The following TMEM40 variants were observed in gnomAD, a reference collection of about 807,000 sequenced individuals.
The protein encoded by TMEM40 is transmembrane protein 40.
In TMEM40, 34 loss-of-function variants were observed where a neutral mutation model predicts 40.8. That is an observed-to-expected ratio of 0.83 (90% CI 0.63 to 1.11). The LOEUF is 1.11. TMEM40 is among the 50% of genes least tolerant of loss of function. The pLI is 0.00. For synonymous variants in TMEM40, 106 were observed against 107.0 expected (o/e 0.99, Z 0.06); for missense variants, 296 against 280.2 (o/e 1.06, Z -0.40).
intron 3 of TMEM40, 87 bp downstream of exon 3, chr3:12,748,562 TCAAGTA>T: frequency 6.7e-7 from 1 of 1,496,556 alleles, no homozygotes; most frequent in Non-Finnish European, 9.0e-7. Flanking sequence ...TATTGGAGTT[TCAAGTA>T]CTTCAATGAC....
At chr3:12,762,374 C>G (rs1280154972), upstream of TMEM40, among the ~76,000 whole-genome samples, 1 of 152,114 alleles carries the variant, frequency 6.6e-6, no homozygotes, top group East Asian at 1.9e-4. Context: ...TACAGAACTT[C>G]TATATTGGAT....
rs746518517 is a variant in TMEM40 at position 12,740,085 on chromosome 3, ATATTTATTTATT to A, written c.356-1509_356-1498del. Reference sequence around the variant, plus strand: ...AAATTATAAATATTATATATTTATAATATTTATTTATTTATTTATTTATTTTGAGACAGAGTC... The same window carrying A: ...AAATTATAAATATTATATATTTATAATATTTATTTATTTTGAGACAGAGTC... On this transcript the variant is annotated intron_variant, in intron 5 of 11. Transcript: ENST00000314124. Among the ~76,000 whole-genome samples, 981 of 147,244 alleles carry A rather than the reference ATATTTATTTATT, an allele frequency of 6.7e-3. 5 individuals carry two copies. Among genetic ancestry groups the A allele is most frequent in the Non-Finnish European group, 0.01 (683 of 67,042 alleles).
At chr3:12,751,500 G>T (rs58658772) in intron 1 of TMEM40, among the ~76,000 whole-genome samples, 2 of 151,718 alleles carry the variant, frequency 1.3e-5, no homozygotes, top group Admixed American at 6.6e-5. Flanking sequence ...GGCTGGTCTC[G>T]AACTCCTGAC....
chr3:12,748,487 T>C (rs2061446271), intron 3 of TMEM40, among the ~76,000 whole-genome samples, 168 bp downstream of exon 3: 2 of 152,196 alleles, frequency 1.3e-5, no homozygotes, highest in South Asian at 4.1e-4. Flanking sequence ...ATACGATCAA[T>C]GATAACTGTG....
At chr3:12,762,521 G>C (rs2106624213), upstream of TMEM40, among the ~76,000 whole-genome samples, 1 of 152,206 alleles carries the variant, frequency 6.6e-6, no homozygotes, top group Middle Eastern at 3.4e-3. Context: ...CCACAGGGGA[G>C]AGCCTACAGA....
rs149560856 is a variant in TMEM40, at chr3:12,734,390, C to T, written c.*384G>A. ...AGGATGGCTCGGTAGCACCTGAGAG[C>T]GCATGCAGATAGCCTGGGATTTGAG... On this transcript the variant is annotated 3_prime_UTR_variant, in exon 12 of 12. Transcript: ENST00000314124. 6.6e-4 allele frequency: 133 copies of T among 201,848 alleles called. No homozygotes were observed. The highest frequency in any genetic ancestry group is 1.8e-3 in the Middle Eastern group (1 of 544). The allele number at this position is 201,848 out of a possible 1,614,324, so 12.5% of individuals were successfully genotyped here.
In TMEM40 at chr3:12,733,963, G is replaced by A. The variant is rs2061319205; in HGVS notation, c.*811C>T. ...TCTGTCGCCCAGGCTGGAGTGCAGTGGCTTGATCGTACCTCACTGCAGCCC... is the reference window on the plus strand; with the variant it reads ...TCTGTCGCCCAGGCTGGAGTGCAGTAGCTTGATCGTACCTCACTGCAGCCC... On this transcript the variant is annotated 3_prime_UTR_variant, in exon 12 of 12. Coordinates refer to ENST00000314124, the MANE Select transcript of TMEM40 (RefSeq NM_018306.4). 6.6e-6 allele frequency: 1 copy of A among 150,588 alleles called. No homozygotes were observed. Among genetic ancestry groups the A allele is most frequent in the Non-Finnish European group, 1.5e-5 (1 of 67,880 alleles). 9.3% of individuals were successfully genotyped at this position (150,588 alleles called of 1,614,324 possible).
rs188139788 is a variant in TMEM40 at position 12,736,179 on chromosome 3, C to T, written c.619+399G>A. 6.9e-3 allele frequency among the ~76,000 whole-genome samples: 1,011 copies of T among 146,236 alleles called. 8 individuals carry two copies. The highest frequency in any genetic ancestry group is 0.011 in the Non-Finnish European group (714 of 67,172). On this transcript the variant is annotated intron_variant, in intron 10 of 11. Transcript: ENST00000314124. Reference sequence around the variant, plus strand: ...TTTTTTTTTTTTTGAGACAGAGTCTCGCTCTGTTGCCCAGGCTGGAGTGCA... The same window carrying T: ...TTTTTTTTTTTTTGAGACAGAGTCTTGCTCTGTTGCCCAGGCTGGAGTGCA...
chr3:12,755,223 C>CTT (rs60982656), intron 1 of TMEM40, among the ~76,000 whole-genome samples: 3 of 85,730 alleles, frequency 3.5e-5, no homozygotes, highest in African/African-American at 2.2e-4. Context: ...TTCTCTCTCT[C>CTT]TCTCTCTCTC....
chr3:12,757,015 G>A (rs772292797), intron 1 of TMEM40, among the ~76,000 whole-genome samples: 2 of 152,142 alleles, frequency 1.3e-5, no homozygotes, highest in Admixed American at 6.5e-5. Context: ...GACCTGGAGC[G>A]TGTCACATCC....
At chr3:12,736,496 T>C in intron 10 of TMEM40, 82 bp downstream of exon 10, 1 of 1,480,824 alleles carries the variant, frequency 6.8e-7, no homozygotes, top group Non-Finnish European at 9.2e-7. Flanking sequence ...GGTCCATACT[T>C]GAATGAGTAT....
intron 2 of TMEM40, among the ~76,000 whole-genome samples, chr3:12,749,024 G>T (rs1453337736): frequency 6.6e-6 from 1 of 151,490 alleles, no homozygotes; most frequent in Non-Finnish European, 1.5e-5. Flanking sequence ...CAGAAAAGGG[G>T]TTTCTTTCTT....
chr3:12,741,053 C>T (rs2061378385), intron 5 of TMEM40, among the ~76,000 whole-genome samples: 1 of 152,222 alleles, frequency 6.6e-6, no homozygotes, highest in Non-Finnish European at 1.5e-5. Flanking sequence ...ACTCCAAGCT[C>T]ATGCCATCTT....
chr3:12,758,580 C>T (rs932389809), intron 1 of TMEM40, among the ~76,000 whole-genome samples: 4 of 152,122 alleles, frequency 2.6e-5, no homozygotes, highest in Admixed American at 2.6e-4. Context: ...GCAGCAGGGC[C>T]CCCTCCCCAT....
intron 3 of TMEM40, 148 bp from the exon 4 acceptor site, chr3:12,744,137 G>C (rs1260298090): frequency 1.5e-5 from 10 of 670,416 alleles, no homozygotes; most frequent in Non-Finnish European, 2.5e-5. Context: ...GGAGGTAGGA[G>C]ACCTGCCACT....
chr3:12,760,350 G>A (rs2061560823), upstream of TMEM40, among the ~76,000 whole-genome samples: 2 of 152,082 alleles, frequency 1.3e-5, no homozygotes, highest in South Asian at 2.1e-4. Context: ...AAGCCCCTGC[G>A]AGATCTTCCC....
chr3:12,745,832 G>T (rs1237294217), intron 3 of TMEM40, among the ~76,000 whole-genome samples: 1 of 151,896 alleles, frequency 6.6e-6, no homozygotes, highest in Non-Finnish European at 1.5e-5. Flanking sequence ...CTCTGATTTA[G>T]TTATTTAAAA....
At chr3:12,756,879 CAT>C (rs1426487454) in intron 1 of TMEM40, among the ~76,000 whole-genome samples, 3 of 151,954 alleles carry the variant, frequency 2.0e-5, no homozygotes, top group South Asian at 2.1e-4. Flanking sequence ...CACACACACA[CAT>C]ACACACACAC....
At chr3:12,753,763 G>T (rs1431414230) in intron 1 of TMEM40, among the ~76,000 whole-genome samples, 2 of 152,178 alleles carry the variant, frequency 1.3e-5, no homozygotes, top group Non-Finnish European at 1.5e-5. Flanking sequence ...TCTCCAAAAA[G>T]CCCAGCCCTG....
Sources: gnomAD v4.1 joint callset for allele counts (sites outside exome capture counted in the v4.1 genomes callset) on GRCh38, gnomAD v4.1.1 for gene constraint, MANE v1.5 for transcripts, NCBI Gene and HGNC (gene_info 2026-07-23, HGNC 2026-07-21) for gene names.